Variants in ELL2 observed in about 807,000 individuals in gnomAD.
ELL2 encodes the protein elongation factor for RNA polymerase II 2.
In ELL2, 21 loss-of-function variants were observed where a neutral mutation model predicts 72.8. The ratio of observed to expected loss-of-function variants is 0.29; its 90% confidence interval spans 0.20 to 0.42. The LOEUF is 0.42. Among genes scored for constraint, ELL2 ranks in the 10% least tolerant of loss-of-function variants. The pLI, the probability that ELL2 is intolerant of heterozygous loss-of-function variation, is 1.00. For synonymous variants in ELL2, 266 were observed against 283.2 expected, an observed-to-expected ratio of 0.94 and a Z score of 0.61; for missense variants, 568 against 772.8, an observed-to-expected ratio of 0.73 and a Z score of 3.14.
chr5:95,934,937 T>C lies in ELL2; in HGVS notation c.195+8065A>G, dbSNP rs184831175. Among the ~76,000 whole-genome samples the C allele has an allele frequency of 3.9e-5, 6 of 152,332 alleles. No individual in the cohort carries two copies. In the East Asian group the frequency reaches 9.6e-4, roughly 24 times the overall value. On this transcript the variant is annotated intron_variant, in intron 2 of 11. Coordinates refer to ENST00000237853, the MANE Select transcript of ELL2 (RefSeq NM_012081.6). ...GATGACAAATTATCTTTAATGATAA[T>C]GAGAACAACTTTAACATATTTGTTT...
In ELL2 at chr5:95,950,929, T is replaced by C. The variant is rs1318595531; in HGVS notation, c.148-7880A>G. 7.3e-4 allele frequency among the ~76,000 whole-genome samples: 92 copies of C among 126,632 alleles called. 5 individuals carry two copies. Among genetic ancestry groups the C allele is most frequent in the African/African-American group, 2.6e-3 (83 of 31,930 alleles). 83.1% of individuals were successfully genotyped at this position (126,632 alleles called of 152,430 possible). A position where few individuals can be genotyped will look rare whatever the true frequency, so the allele number is the denominator to read the frequency against. On this transcript the variant is annotated intron_variant, in intron 1 of 11. Transcript: ENST00000237853. ...GTATATATATATATATATATATATA[T>C]ATATATATATATATATATATATATA...
intron 1 of ELL2, among the ~76,000 whole-genome samples, chr5:95,961,070 G>A (rs1561520315): frequency 6.6e-6 from 1 of 151,902 alleles, no homozygotes; most frequent in Non-Finnish European, 1.5e-5. Context: ...GGGAATACAA[G>A]GTCCCACCCC....
At chr5:95,897,162 T>C (rs1449754451) in intron 8 of ELL2, among the ~76,000 whole-genome samples, 1 of 152,238 alleles carries the variant, frequency 6.6e-6, no homozygotes, top group Non-Finnish European at 1.5e-5. Context: ...TACAGCGGCT[T>C]CTTTGGAAGT....
intron 1 of ELL2, among the ~76,000 whole-genome samples, chr5:95,948,247 T>C (rs1048659722): frequency 6.6e-6 from 1 of 151,088 alleles, no homozygotes; most frequent in Non-Finnish European, 1.5e-5. Context: ...CTGGCTAACA[T>C]GGTGAAACCC....
chr5:95,945,353 T>A (rs1305161640), intron 1 of ELL2, among the ~76,000 whole-genome samples: 1 of 152,174 alleles, frequency 6.6e-6, no homozygotes, highest in Admixed American at 6.5e-5. Context: ...GTTTACATAC[T>A]ACATGCCACT....
intron 4 of ELL2, among the ~76,000 whole-genome samples, chr5:95,908,833 T>G (rs1749475174): frequency 6.6e-6 from 1 of 152,186 alleles, no homozygotes; most frequent in South Asian, 2.1e-4. Flanking sequence ...AAAAAGAAAT[T>G]TGTTTAACTC....
intron 1 of ELL2, among the ~76,000 whole-genome samples, chr5:95,947,012 G>A (rs1218085324): frequency 5.9e-5 from 9 of 152,224 alleles, no homozygotes; most frequent in African/African-American, 2.2e-4. Flanking sequence ...ACAAAACTCT[G>A]GTGCCACCAT....
At chr5:95,915,581 C>T (rs1749759844) in intron 3 of ELL2, among the ~76,000 whole-genome samples, 1 of 152,168 alleles carries the variant, frequency 6.6e-6, no homozygotes, top group South Asian at 2.1e-4. Flanking sequence ...TTTCAAGGAA[C>T]TAATGGGTGA....
At chr5:95,892,148 AC>A (rs1417793582) in intron 9 of ELL2, among the ~76,000 whole-genome samples, 1 of 150,420 alleles carries the variant, frequency 6.6e-6, no homozygotes. Flanking sequence ...TTACAGTATT[AC>A]TTTTTTTTTT....
chr5:95,904,571 C>T (rs919406854), intron 5 of ELL2, among the ~76,000 whole-genome samples: 1 of 152,144 alleles, frequency 6.6e-6, no homozygotes, highest in Non-Finnish European at 1.5e-5. Flanking sequence ...TTAATAATGT[C>T]CACAGGGTTC....
At chr5:95,960,561 G>A (rs772464814) in intron 1 of ELL2, among the ~76,000 whole-genome samples, 2 of 151,890 alleles carry the variant, frequency 1.3e-5, no homozygotes, top group Non-Finnish European at 2.9e-5. Context: ...TCTCGAAAAC[G>A]AGGGGTGAGA....
intron 2 of ELL2, among the ~76,000 whole-genome samples, chr5:95,941,663 G>T (rs536136292): frequency 2.0e-5 from 3 of 152,278 alleles, no homozygotes; most frequent in African/African-American, 7.2e-5. Context: ...GAGAAATGCA[G>T]CTCAAACCTT....
At chr5:95,942,631 G>A (rs547089524) in intron 2 of ELL2, among the ~76,000 whole-genome samples, 7 of 152,062 alleles carry the variant, frequency 4.6e-5, no homozygotes, top group African/African-American at 9.7e-5. Flanking sequence ...TTTGTTAATA[G>A]TAAAAGCAAT....
chr5:95,935,774 C>T (rs59307279), intron 2 of ELL2, among the ~76,000 whole-genome samples: 27,160 of 152,106 alleles, frequency 0.18, 2,609 homozygotes, highest in East Asian at 0.34. Flanking sequence ...ATGGCCTCAC[C>T]ACCTAACCAA....
chr5:95,948,426 C>A (rs1230718229), intron 1 of ELL2, among the ~76,000 whole-genome samples: 1 of 56,286 alleles, frequency 1.8e-5, no homozygotes, highest in Non-Finnish European at 2.8e-5. Context: ...CGAGACTCCG[C>A]CTCAAAAAAA....
At chr5:95,900,899 T>G in intron 6 of ELL2, 57 bp downstream of exon 6, 1 of 1,570,112 alleles carries the variant, frequency 6.4e-7, no homozygotes, top group Non-Finnish European at 8.6e-7. Flanking sequence ...AAATAATGAC[T>G]TATTTCCATA....
In ELL2 at chr5:95,898,827, G is replaced by A; in HGVS notation, c.955-17C>T. The A allele has an allele frequency of 2.0e-6, 3 of 1,477,806 alleles. No homozygotes were observed. The highest frequency in any genetic ancestry group is 2.7e-6 in the Non-Finnish European group (3 of 1,114,316). The allele number at this position is 1,477,806 out of a possible 1,614,324, so 91.5% of individuals were successfully genotyped here. A position where few individuals can be genotyped will look rare whatever the true frequency, so the allele number is the denominator to read the frequency against. Reference sequence around the variant, plus strand: ...AAGCCGTTTCTAGGGGAGGGAAAAGGAGAAAAGTGAGCCAGTTTGCACTAA... The same window carrying A: ...AAGCCGTTTCTAGGGGAGGGAAAAGAAGAAAAGTGAGCCAGTTTGCACTAA... On this transcript the variant is annotated splice_polypyrimidine_tract_variant and intron_variant, in intron 7 of 11. Transcript: ENST00000237853.
chr5:95,912,234 C>T (rs575349850), intron 4 of ELL2, among the ~76,000 whole-genome samples: 14 of 152,222 alleles, frequency 9.2e-5, no homozygotes, highest in Non-Finnish European at 1.9e-4. Context: ...AGATGACACC[C>T]AAGGACCATT....
At chr5:95,942,927 C>A in intron 2 of ELL2, 75 bp downstream of exon 2, 3 of 1,214,790 alleles carry the variant, frequency 2.5e-6, no homozygotes, top group Non-Finnish European at 3.3e-6. Context: ...AAAGGGTCAA[C>A]TGAAAACGGA....
Sources: gnomAD v4.1 joint callset for allele counts (sites outside exome capture counted in the v4.1 genomes callset) on GRCh38, gnomAD v4.1.1 for gene constraint, MANE v1.5 for transcripts, NCBI Gene and HGNC (gene_info 2026-07-23, HGNC 2026-07-21) for gene names.